Variants in ZNF248 observed in about 807,000 individuals in gnomAD.
ZNF248 encodes KRAB protein domain.
Under a neutral mutation model 44.3 loss-of-function variants are expected in ZNF248, and 20 were observed. That is an observed-to-expected ratio of 0.45 (90% confidence interval 0.32 to 0.66). ZNF248 has a LOEUF of 0.66. Ranked by LOEUF, ZNF248 falls within the 30% of genes least tolerant of loss-of-function variation. ZNF248 has a pLI of 0.04. For synonymous variants in ZNF248, 224 were observed against 229.0 expected (o/e 0.98, Z 0.20); for missense variants, 654 against 677.0 (o/e 0.97, Z 0.38).
Position 37,831,202 on chromosome 10 carries a change from A to C in ZNF248, c.*413T>G. The C allele has an allele frequency of 6.5e-7, 1 of 1,543,046 alleles. No individual in the cohort carries two copies. Among genetic ancestry groups the C allele is most frequent in the Non-Finnish European group, 8.7e-7 (1 of 1,143,266 alleles). ...TTGAGTTCCAATATACAAATCAAGC[A>C]TACTCAAATTTATATATTTGCATAC... On this transcript the variant is annotated 3_prime_UTR_variant, in exon 6 of 6. Transcript: ENST00000395867.
At chr10:37,789,915 T>C (rs2048301785) in intron 6 of ZNF248, among the ~76,000 whole-genome samples, 1 of 152,124 alleles carries the variant, frequency 6.6e-6, no homozygotes, top group African/African-American at 2.4e-5. Flanking sequence ...TCCACTCTAG[T>C]AGGAAGTGGA....
At chr10:37,779,316 A>G (rs1308109896) in intron 6 of ZNF248, among the ~76,000 whole-genome samples, 1 of 152,232 alleles carries the variant, frequency 6.6e-6, no homozygotes, top group Middle Eastern at 3.2e-3. Context: ...CTTATCCACC[A>G]TGATCAAGTG....
At chr10:37,833,192 A>C (rs1554836343) in intron 5 of ZNF248, 76 bp from the exon 6 acceptor site, 6 of 1,497,942 alleles carry the variant, frequency 4.0e-6, no homozygotes, top group Non-Finnish European at 1.8e-6. Context: ...ACACAAATGC[A>C]CTATCATACA....
At chr10:37,806,644 CTT>C (rs1057496978) in intron 6 of ZNF248, among the ~76,000 whole-genome samples, 11 of 152,034 alleles carry the variant, frequency 7.2e-5, no homozygotes, top group African/African-American at 2.7e-4. Flanking sequence ...ATATTAATCT[CTT>C]ATCAAATATG....
downstream of ZNF248, among the ~76,000 whole-genome samples, chr10:37,827,362 C>G (rs2054539144): frequency 6.6e-6 from 1 of 152,196 alleles, no homozygotes; most frequent in Admixed American, 6.5e-5. Context: ...CTACCCCATT[C>G]TGTAGACAAA....
At chr10:37,793,284 G>A (rs1285130195) in intron 6 of ZNF248, among the ~76,000 whole-genome samples, 3 of 151,992 alleles carry the variant, frequency 2.0e-5, no homozygotes, top group East Asian at 1.9e-4. Context: ...GCAGTGAGCC[G>A]AGATCACGCC....
chr10:37,845,636 A>C (rs933192067), intron 3 of ZNF248, among the ~76,000 whole-genome samples: 18 of 152,140 alleles, frequency 1.2e-4, no homozygotes, highest in Non-Finnish European at 1.9e-4. Flanking sequence ...CAAACAACAG[A>C]TATGCATTAT....
At chr10:37,856,151 C>A (rs2061246375) in intron 3 of ZNF248, 145 bp downstream of exon 3, 1 of 820,690 alleles carries the variant, frequency 1.2e-6, no homozygotes, top group Admixed American at 2.4e-5. Context: ...GCCAACTGCA[C>A]TATTTTGGAT....
intron 3 of ZNF248, among the ~76,000 whole-genome samples, chr10:37,851,570 A>G (rs2060227373): frequency 6.6e-6 from 1 of 152,096 alleles, no homozygotes; most frequent in Non-Finnish European, 1.5e-5. Context: ...CATACTTGTT[A>G]ATAAACTTGC....
intron 6 of ZNF248, among the ~76,000 whole-genome samples, chr10:37,777,084 T>C (rs1249634072): frequency 6.6e-6 from 1 of 152,126 alleles, no homozygotes; most frequent in Non-Finnish European, 1.5e-5. Flanking sequence ...ATATTATTGA[T>C]GGGATGTGCT....
downstream of ZNF248, among the ~76,000 whole-genome samples, chr10:37,774,269 G>A (rs966019485): frequency 6.6e-6 from 1 of 152,142 alleles, no homozygotes; most frequent in Non-Finnish European, 1.5e-5. Flanking sequence ...CACAAAGACT[G>A]TGGTTATTTG....
At chr10:37,763,774 A>G in the ZNF248 span, among the ~76,000 whole-genome samples, 1 of 152,190 alleles carries the variant, frequency 6.6e-6, no homozygotes, top group African/African-American at 2.4e-5. Context: ...GATTCCCCAA[A>G]TTAATACTTT....
rs151017578 is a variant in ZNF248 at position 37,840,362 on chromosome 10, T to C, written c.16-2251A>G. Among the ~76,000 whole-genome samples, 564 of 152,098 alleles carry C rather than the reference T, an allele frequency of 3.7e-3. 7 individuals carry two copies. The highest frequency in any genetic ancestry group is 0.011 in the African/African-American group (465 of 41,486). On this transcript the variant is annotated intron_variant, in intron 3 of 5. Transcript: ENST00000395867. Reference sequence around the variant, plus strand: ...AACACAAATTATGCAACTTGAAAAATAGGCAAAAGATCTGAATGGTCACGT... The same window carrying C: ...AACACAAATTATGCAACTTGAAAAACAGGCAAAAGATCTGAATGGTCACGT...
chr10:37,829,857 T>G lies in ZNF248; in HGVS notation c.*1758A>C. ...CCCAAGTTCACCCCAACAGAATCAT[T>G]AAAATGGAACTTCCATGATTAGCTT... is the stretch of plus-strand genomic sequence containing the variant. On this transcript the variant is annotated 3_prime_UTR_variant, in exon 6 of 6. Transcript: ENST00000395867. The G allele has an allele frequency of 1.0e-6, 1 of 985,408 alleles. No individual in the cohort carries two copies. The highest frequency in any genetic ancestry group is 4.7e-5 in the South Asian group (1 of 21,288). 61.0% of individuals were successfully genotyped at this position (985,408 alleles called of 1,614,324 possible). A position where few individuals can be genotyped will look rare whatever the true frequency, so the allele number is the denominator to read the frequency against.
intron 6 of ZNF248, among the ~76,000 whole-genome samples, chr10:37,801,622 A>G (rs996940932): frequency 6.6e-6 from 1 of 152,210 alleles, no homozygotes; most frequent in African/African-American, 2.4e-5. Flanking sequence ...TAATTTGTTT[A>G]CAAAAAACCC....
the ZNF248 span, among the ~76,000 whole-genome samples, chr10:37,764,236 G>C: frequency 2.1e-4 from 32 of 152,176 alleles, no homozygotes; most frequent in Admixed American, 8.5e-4. Flanking sequence ...TGTCTTTCAT[G>C]GTTGAAGATA....
chr10:37,810,337 T>C (rs1403159629), intron 6 of ZNF248, among the ~76,000 whole-genome samples: 1 of 152,226 alleles, frequency 6.6e-6, no homozygotes, highest in Non-Finnish European at 1.5e-5. Flanking sequence ...TTTCACTTCA[T>C]TTATTTTGAT....
intron 5 of ZNF248, among the ~76,000 whole-genome samples, chr10:37,833,775 G>A (rs2056494755): frequency 6.6e-6 from 1 of 152,074 alleles, no homozygotes; most frequent in Non-Finnish European, 1.5e-5. Context: ...GCATACTAGG[G>A]AAGGTGAAAT....
At chr10:37,768,999 T>A in the ZNF248 span, among the ~76,000 whole-genome samples, 1 of 152,084 alleles carries the variant, frequency 6.6e-6, no homozygotes, top group South Asian at 2.1e-4. Flanking sequence ...AACACCTCTA[T>A]ACAAATAAAC....
Sources: gnomAD v4.1 joint callset for allele counts (sites outside exome capture counted in the v4.1 genomes callset) on GRCh38, gnomAD v4.1.1 for gene constraint, MANE v1.5 for transcripts, NCBI Gene and HGNC (gene_info 2026-07-23, HGNC 2026-07-21) for gene names.